The following PTAFR variants were observed in gnomAD, a reference collection of about 807,000 sequenced individuals.
The protein encoded by PTAFR is platelet activating factor receptor.
A neutral mutation model predicts 14.7 loss-of-function variants in PTAFR; 8 were observed. The observed-to-expected ratio is 0.54, with a 90% CI of 0.32 to 0.98. The LOEUF is 0.98. Ranked by LOEUF, PTAFR falls within the 50% of genes least tolerant of loss-of-function variation. PTAFR has a pLI of 0.04. For missense variants in PTAFR, 337 were observed against 451.2 expected, an observed-to-expected ratio of 0.75 and a Z score of 2.29; for synonymous variants, 156 against 176.5, an observed-to-expected ratio of 0.88 and a Z score of 0.92.
intron 1 of PTAFR, among the ~76,000 whole-genome samples, chr1:28,188,488 T>C (rs1646624251): frequency 6.6e-6 from 1 of 150,932 alleles, no homozygotes; most frequent in Admixed American, 6.6e-5. Flanking sequence ...GCCTGTATCC[T>C]AGCACTTTGG....
At chr1:28,170,120 A>G (rs1323812229) in intron 1 of PTAFR, among the ~76,000 whole-genome samples, 3 of 152,128 alleles carry the variant, frequency 2.0e-5, no homozygotes, top group African/African-American at 7.2e-5. Flanking sequence ...TCAAGTTCCC[A>G]TAACAATCTA....
chr1:28,169,564 C>G (rs760769609), intron 1 of PTAFR, among the ~76,000 whole-genome samples: 4 of 152,170 alleles, frequency 2.6e-5, no homozygotes, highest in Non-Finnish European at 4.4e-5. Context: ...CAGATCTTAC[C>G]TCTCTCACTT....
chr1:28,184,294 T>C (rs983888234), intron 1 of PTAFR, among the ~76,000 whole-genome samples: 3 of 152,030 alleles, frequency 2.0e-5, no homozygotes, highest in African/African-American at 4.8e-5. Flanking sequence ...GTTTTCACCA[T>C]GTTGGCCAGG....
At chr1:28,152,117 G>A (rs756055763) in intron 1 of PTAFR, among the ~76,000 whole-genome samples, 15 of 151,742 alleles carry the variant, frequency 9.9e-5, no homozygotes, top group East Asian at 1.9e-4. Context: ...TGCTGTTCTC[G>A]AACTCCTGAG....
chr1:28,176,092 G>T (rs1646510074), intron 1 of PTAFR, among the ~76,000 whole-genome samples: 1 of 152,088 alleles, frequency 6.6e-6, no homozygotes, highest in Admixed American at 6.6e-5. Context: ...TTGGACACTA[G>T]AAGTTATTTC....
rs758123678 is a variant in PTAFR, at chr1:28,150,358, G to A, written c.664C>T (p.Arg222Cys). Residue 222 changes from arginine (R) to cysteine (C), a missense_variant, in exon 2 of 2, where the codon CGC (arginine) becomes TGC (cysteine). Coordinates refer to ENST00000373857, the MANE Select transcript of PTAFR (RefSeq NM_000952.5). The surrounding 1 kb of genome is among the most constrained non-coding windows in gnomAD (Gnocchi z 6.3). ...GCCCGGCGCTTGACTTCAGCGTTGC[G>A]CTGCTGCTGCACCGGCTGCATGAGC... ...TLLMQPVQQQ[R>C]NAEVKRRALW... The A allele has an allele frequency of 3.0e-5, 48 of 1,613,910 alleles. No homozygotes were observed. The highest frequency in any genetic ancestry group is 1.6e-4 in the Middle Eastern group (1 of 6,084).
chr1:28,170,185 C>T lies in PTAFR; in HGVS notation c.-39+6407G>A, dbSNP rs1351877542. ...CTCTCTCCTTTTGGACTGGGAATTC[C>T]CAAGGGCCAAGGCTTCTGGCATATC... On this transcript the variant is annotated intron_variant, in intron 1 of 1. Transcript: ENST00000373857. Among the ~76,000 whole-genome samples, 3 of 152,184 alleles carry T rather than the reference C, an allele frequency of 2.0e-5. No individual in the cohort carries two copies. In the East Asian group the frequency reaches 5.8e-4, roughly 29 times the overall value.
chr1:28,182,164 C>G (rs753630898), intron 1 of PTAFR, among the ~76,000 whole-genome samples: 11 of 151,636 alleles, frequency 7.3e-5, no homozygotes, highest in Non-Finnish European at 1.2e-4. Context: ...GGTGAAACCC[C>G]GTCTGTACTA....
At chr1:28,178,238 G>C (rs1403152059), upstream of PTAFR, among the ~76,000 whole-genome samples, 2 of 152,024 alleles carry the variant, frequency 1.3e-5, no homozygotes, top group African/African-American at 4.8e-5. Context: ...GCTCTCAAAG[G>C]ACAAAACACT....
rs189572184 is a variant in PTAFR, at chr1:28,155,736, T to C, written c.-38-4677A>G. Among the ~76,000 whole-genome samples the C allele has an allele frequency of 1.8e-3, 274 of 151,772 alleles. 1 individual carries two copies. The highest frequency in any genetic ancestry group is 6.0e-3 in the African/African-American group (250 of 41,380). On this transcript the variant is annotated intron_variant, in intron 1 of 1. Transcript: ENST00000373857. ...AATTTAAATTAGCAAGGCATGGTGG[T>C]GCACTCCTGTAGTCCCAGCTACTCA...
At chr1:28,162,934 C>T (rs762328909) in intron 1 of PTAFR, among the ~76,000 whole-genome samples, 6 of 152,048 alleles carry the variant, frequency 3.9e-5, no homozygotes, top group Non-Finnish European at 8.8e-5. Context: ...CAACTGCCAG[C>T]CACACACTTG....
At chr1:28,178,716 C>T (rs946555333), upstream of PTAFR, among the ~76,000 whole-genome samples, 2 of 151,948 alleles carry the variant, frequency 1.3e-5, no homozygotes, top group Admixed American at 6.6e-5. Context: ...TACTCTCATG[C>T]GAAGATGCCC....
At chr1:28,183,668 AT>A (rs1244632537) in intron 1 of PTAFR, among the ~76,000 whole-genome samples, 7 of 152,004 alleles carry the variant, frequency 4.6e-5, no homozygotes, top group African/African-American at 1.7e-4. Context: ...ATTTTACTGT[AT>A]CAGTGGTTCT....
intron 1 of PTAFR, among the ~76,000 whole-genome samples, chr1:28,169,216 C>A (rs1178030025): frequency 6.6e-6 from 1 of 151,050 alleles, no homozygotes; most frequent in Non-Finnish European, 1.5e-5. Flanking sequence ...GACAACATAG[C>A]AACACCCCAG....
chr1:28,166,900 C>G (rs1646391946), intron 1 of PTAFR, among the ~76,000 whole-genome samples: 1 of 152,012 alleles, frequency 6.6e-6, no homozygotes, highest in South Asian at 2.1e-4. Context: ...TACCTTGAGC[C>G]CAGGAGCTCA....
intron 1 of PTAFR, among the ~76,000 whole-genome samples, chr1:28,154,830 A>AAAAG (rs1557686017): frequency 3.7e-5 from 5 of 136,866 alleles, no homozygotes; most frequent in Non-Finnish European, 3.1e-5. Flanking sequence ...AAAAAAAAAA[A>AAAAG]AGTGGGGGGG....
At chr1:28,170,013 AAAG>A (rs1290281989) in intron 1 of PTAFR, among the ~76,000 whole-genome samples, 2 of 151,892 alleles carry the variant, frequency 1.3e-5, no homozygotes, top group African/African-American at 4.8e-5. Context: ...AAAAAAAAAA[AAAG>A]AAGATGCCTG....
rs576089417 is a variant in PTAFR at position 28,158,429 on chromosome 1, G to A, written c.-38-7370C>T. On this transcript the variant is annotated intron_variant, in intron 1 of 1. Coordinates refer to ENST00000373857, the MANE Select transcript of PTAFR (RefSeq NM_000952.5). ...AAAATAAGCAACAGGGCCAGGCGCGGTGGCTCACGCCTGTAATCCCAGCAC... is the reference window on the plus strand; with the variant it reads ...AAAATAAGCAACAGGGCCAGGCGCGATGGCTCACGCCTGTAATCCCAGCAC... Among the ~76,000 whole-genome samples, 7 of 152,358 alleles carry A rather than the reference G, an allele frequency of 4.6e-5. No homozygotes were observed. In the South Asian group the frequency reaches 1.0e-3, roughly 23 times the overall value.
intron 1 of PTAFR, among the ~76,000 whole-genome samples, chr1:28,191,447 T>C (rs902080176): frequency 2.0e-5 from 3 of 152,086 alleles, no homozygotes; most frequent in African/African-American, 7.2e-5. Flanking sequence ...AAAAGAAACG[T>C]CTCCAGCCGG....
Sources: allele counts gnomAD v4.1 joint callset (sites outside exome capture counted in the v4.1 genomes callset), GRCh38; gene constraint gnomAD v4.1.1; non-coding constraint Gnocchi (gnomAD v3.1); transcripts MANE v1.5; gene names NCBI Gene and HGNC (gene_info 2026-07-23, HGNC 2026-07-21).